The following BCL2L14 variants were observed in gnomAD, a reference collection of about 807,000 sequenced individuals.
BCL2L14 encodes apoptosis facilitator Bcl-2-like protein 14.
Under a neutral mutation model 35.3 loss-of-function variants are expected in BCL2L14, and 27 were observed. The ratio of observed to expected loss-of-function variants is 0.76; its 90% CI spans 0.56 to 1.05. The LOEUF is 1.05. Ranked by LOEUF, BCL2L14 falls within the 50% of genes least tolerant of loss-of-function variation. BCL2L14 has a pLI of 0.00. For missense variants in BCL2L14, 377 were observed against 382.6 expected (o/e 0.99, Z 0.12); for synonymous variants, 139 against 145.9 (o/e 0.95, Z 0.34).
intron 4 of BCL2L14, among the ~76,000 whole-genome samples, chr12:12,091,071 A>C (rs972944086): frequency 9.9e-5 from 15 of 152,232 alleles, no homozygotes; most frequent in African/African-American, 3.4e-4. Context: ...GCCTCCTTGG[A>C]ATTTTTGGAA....
upstream of BCL2L14, among the ~76,000 whole-genome samples, chr12:12,066,075 G>A (rs2136721596): frequency 6.6e-6 from 1 of 152,310 alleles, no homozygotes; most frequent in East Asian, 1.9e-4. Flanking sequence ...ACAGGCGTGA[G>A]CCACCGCACC....
intron 2 of BCL2L14, among the ~76,000 whole-genome samples, chr12:12,082,297 G>A (rs888098142): frequency 2.0e-5 from 3 of 152,278 alleles, no homozygotes; most frequent in African/African-American, 7.2e-5. Context: ...AAGAGGGAGC[G>A]GCCCCCTGTG....
intron 2 of BCL2L14, among the ~76,000 whole-genome samples, chr12:12,063,055 T>C (rs1382198655): frequency 2.0e-5 from 3 of 152,232 alleles, no homozygotes; most frequent in East Asian, 1.9e-4. Context: ...TGCTCCTTTT[T>C]ATTAGGCCCC....
intron 2 of BCL2L14, among the ~76,000 whole-genome samples, chr12:12,080,700 C>T (rs1948901185): frequency 6.6e-6 from 1 of 151,842 alleles, no homozygotes; most frequent in African/African-American, 2.4e-5. Flanking sequence ...TAAGTCAACT[C>T]ATTCGCTCAG....
upstream of BCL2L14, among the ~76,000 whole-genome samples, chr12:12,070,173 T>TA (rs1418548973): frequency 6.6e-6 from 1 of 152,212 alleles, no homozygotes; most frequent in Non-Finnish European, 1.5e-5. Flanking sequence ...TGGCTGTGCT[T>TA]AGATTCCTTT....
intron 1 of BCL2L14, chr12:12,071,618 T>TCTAGACCCCCAGAGAATTCCTTGA (rs1948670515): frequency 6.6e-6 from 1 of 151,912 alleles, no homozygotes; most frequent in African/African-American, 2.4e-5. Context: ...CCGCAGGAGG[T>TCTAGACCCCCAGAGAATTCCTTGA]CTAGACCCCC....
At chr12:12,090,419 C>T (rs150661870) in intron 3 of BCL2L14, among the ~76,000 whole-genome samples, 2 of 152,074 alleles carry the variant, frequency 1.3e-5, no homozygotes, top group Admixed American at 6.6e-5. Flanking sequence ...CACCTGAGGT[C>T]AGGAGTTTGA....
chr12:12,088,653 C>G (rs1423221745), intron 3 of BCL2L14, among the ~76,000 whole-genome samples: 1 of 152,162 alleles, frequency 6.6e-6, no homozygotes, highest in African/African-American at 2.4e-5. Context: ...ACTTCCTTAC[C>G]CTCACTATCT....
At chr12:12,060,884 C>T (rs1490913116) in intron 2 of BCL2L14, among the ~76,000 whole-genome samples, 4 of 14,454 alleles carry the variant, frequency 2.8e-4, no homozygotes, top group Admixed American at 1.6e-3. Flanking sequence ...CTTCGGAAGT[C>T]CCGTAGACCA....
intron 2 of BCL2L14, among the ~76,000 whole-genome samples, chr12:12,058,874 G>A (rs1163902269): frequency 7.9e-5 from 12 of 152,148 alleles, no homozygotes; most frequent in African/African-American, 1.9e-4. Flanking sequence ...ATCCACCTAT[G>A]ACCTCAGGTT....
chr12:12,096,706 G>A (rs2448048), intron 5 of BCL2L14, among the ~76,000 whole-genome samples: 35,135 of 152,150 alleles, frequency 0.23, 4,484 homozygotes, highest in East Asian at 0.37. Flanking sequence ...ATCCACTACA[G>A]TGGCTAAAAT....
At chr12:12,095,049 C>T (rs1415444173) in intron 5 of BCL2L14, 119 bp downstream of exon 5, 9 of 1,456,982 alleles carry the variant, frequency 6.2e-6, no homozygotes, top group Non-Finnish European at 8.1e-6. Context: ...GAGTTTAGGA[C>T]ACTTGAGTGG....
chr12:12,056,374 T>A (rs1171286936), intron 2 of BCL2L14, among the ~76,000 whole-genome samples: 1 of 152,180 alleles, frequency 6.6e-6, no homozygotes, highest in African/African-American at 2.4e-5. Flanking sequence ...CAATCAAGTA[T>A]CCTTTTTGCT....
chr12:12,094,499 C>G, intron 4 of BCL2L14, 165 bp from the exon 5 acceptor site: 1 of 1,609,242 alleles, frequency 6.2e-7, no homozygotes, highest in Non-Finnish European at 8.5e-7. Flanking sequence ...CATGCCCATT[C>G]TGGTTCTGCA....
chr12:12,070,529 T>A (rs1432409726), upstream of BCL2L14, among the ~76,000 whole-genome samples: 1 of 151,944 alleles, frequency 6.6e-6, no homozygotes, highest in Non-Finnish European at 1.5e-5. Flanking sequence ...ATACAAAAAT[T>A]AGCCAGGCGT....
intron 1 of BCL2L14, among the ~76,000 whole-genome samples, chr12:12,051,432 C>T (rs1948356600): frequency 6.6e-6 from 1 of 152,164 alleles, no homozygotes. Context: ...CTACTCCACT[C>T]CTGACAGTGG....
chr12:12,066,790 A>G (rs1176945569), upstream of BCL2L14, among the ~76,000 whole-genome samples: 1 of 151,224 alleles, frequency 6.6e-6, no homozygotes, highest in Non-Finnish European at 1.5e-5. Context: ...GGCTCACTGC[A>G]AGCTCCGCCT....
intron 2 of BCL2L14, among the ~76,000 whole-genome samples, chr12:12,086,799 G>C (rs1949052730): frequency 6.6e-6 from 1 of 152,176 alleles, no homozygotes; most frequent in African/African-American, 2.4e-5. Flanking sequence ...ATTATCGAAT[G>C]TCCTCCTATG....
Position 12,079,419 on chromosome 12 carries a change from C to T in BCL2L14, c.114C>T (p.Ser38=), listed in dbSNP as rs1307120764. 3 of 1,614,086 alleles carry T rather than the reference C, an allele frequency of 1.9e-6. No homozygotes were observed. Among genetic ancestry groups the T allele is most frequent in the Non-Finnish European group, 1.7e-6 (2 of 1,180,032 alleles). The change falls in exon 2 of 6, where the codon AGC becomes AGT. Residue 38 remains serine, a synonymous_variant. Transcript: ENST00000308721. The part of the protein sequence containing the change: ...AYYTRHHVFK[S]TPALFSPKLL... The stretch of plus-strand genomic sequence containing the variant: ...ACACCAGACATCATGTCTTCAAGAG[C>T]ACCCCTGCTCTCTTCTCACCAAAGC...
Sources: gnomAD v4.1 joint callset for allele counts (sites outside exome capture counted in the v4.1 genomes callset) on GRCh38, gnomAD v4.1.1 for gene constraint, MANE v1.5 for transcripts, NCBI Gene and HGNC (gene_info 2026-07-23, HGNC 2026-07-21) for gene names.